Variants in FSIP2 observed in about 807,000 individuals in gnomAD.
FSIP2 encodes fibrous sheath-interacting protein 2.
FSIP2 carries 367 observed loss-of-function variants against 510.5 expected under a neutral mutation model. That is an observed-to-expected ratio of 0.72 (90% CI 0.66 to 0.78). The LOEUF is 0.78. Among genes scored for constraint, FSIP2 ranks in the 30% least tolerant of loss-of-function variants. The pLI is 0.00. For missense variants in FSIP2, 7,594 were observed against 7,901.7 expected (o/e 0.96, Z 1.48); for synonymous variants, 2,601 against 2,732.2 (o/e 0.95, Z 1.50).
intron 19 of FSIP2, among the ~76,000 whole-genome samples, chr2:185,816,298 C>G (rs2105670953): frequency 6.6e-6 from 1 of 150,730 alleles, no homozygotes; most frequent in South Asian, 2.1e-4. Flanking sequence ...TCTCTTTTCT[C>G]CTACATAATA....
rs1693571445 is a variant in FSIP2 at position 185,806,199 on chromosome 2, C to T, written c.16893C>T (p.Ser5631=). 6.3e-7 allele frequency: 1 copy of T among 1,599,310 alleles called. No individual in the cohort carries two copies. The highest frequency in any genetic ancestry group is 8.5e-7 in the Non-Finnish European group (1 of 1,175,068). Residue 5631 remains serine, a synonymous_variant, in exon 17 of 23, where the codon TCC becomes TCT. Coordinates refer to ENST00000424728, the MANE Select transcript of FSIP2 (RefSeq NM_173651.4). ...KKDDKLFQLS[S]LKSKRNLGTT... Reference sequence around the variant, plus strand: ...ATGACAAGCTCTTTCAGTTATCCTCCTTGAAGTCCAAGAGAAATCTAGGGA... The same window carrying T: ...ATGACAAGCTCTTTCAGTTATCCTCTTTGAAGTCCAAGAGAAATCTAGGGA...
Position 185,800,310 on chromosome 2 carries a change from T to C in FSIP2, c.11004T>C (p.Phe3668=). Residue 3668 remains phenylalanine, a synonymous_variant, in exon 17 of 23, where the codon TTT becomes TTC. Transcript: ENST00000424728. The part of the protein sequence containing the change: ...QFSTQQIGQL[F]QKNKLSYLAC... Reference sequence around the variant, plus strand: ...CTACTCAACAAATTGGTCAACTTTTTCAAAAAAATAAGTTAAGTTATCTTG... The same window carrying C: ...CTACTCAACAAATTGGTCAACTTTTCCAAAAAAATAAGTTAAGTTATCTTG... The C allele has an allele frequency of 6.5e-7, 1 of 1,533,120 alleles. No individual in the cohort carries two copies. Among genetic ancestry groups the C allele is most frequent in the Non-Finnish European group, 8.7e-7 (1 of 1,145,378 alleles). The allele number at this position is 1,533,120 out of a possible 1,614,324, so 95.0% of individuals were successfully genotyped here.
intron 20 of FSIP2, among the ~76,000 whole-genome samples, chr2:185,827,843 T>G (rs1461020039): frequency 6.6e-6 from 1 of 151,844 alleles, no homozygotes; most frequent in Non-Finnish European, 1.5e-5. Flanking sequence ...CAAACAGGCT[T>G]ATAGGGAATG....
chr2:185,791,982 A>C lies in FSIP2; in HGVS notation c.4846A>C (p.Lys1616Gln), dbSNP rs1424960695. ...AINDGNKKSNKIGWEYESTNI... is the reference protein window; with the variant it reads ...AINDGNKKSNQIGWEYESTNI... ...TAATGATGGAAATAAGAAAAGCAATAAGATAGGCTGGGAATATGAAAGCAC... is the reference window on the plus strand; with the variant it reads ...TAATGATGGAAATAAGAAAAGCAATCAGATAGGCTGGGAATATGAAAGCAC... Residue 1616 changes from lysine to glutamine, a missense_variant, in exon 16 of 23, where the codon AAG becomes CAG. Lys to Gln is a moderately conservative substitution (Grantham distance 53). Coordinates refer to ENST00000424728, the MANE Select transcript of FSIP2 (RefSeq NM_173651.4). 2.0e-6 allele frequency: 3 copies of C among 1,533,800 alleles called. No homozygotes were observed. Among genetic ancestry groups the C allele is most frequent in the African/African-American group, 2.7e-5 (2 of 72,854 alleles).
chr2:185,790,178 T>C lies in FSIP2; in HGVS notation c.3042T>C (p.Asn1014=). The change falls in exon 16 of 23, where the codon AAT becomes AAC. Residue 1014 remains asparagine, a synonymous_variant. Coordinates refer to ENST00000424728, the MANE Select transcript of FSIP2 (RefSeq NM_173651.4). ...ENEEIDNIVK[N]VLDSTFKDEK... is the part of the protein sequence containing the mutation. ...AGGAAATAGACAATATTGTAAAAAA[T>C]GTGCTTGATTCAACTTTCAAAGATG... The C allele has an allele frequency of 6.5e-7, 1 of 1,531,904 alleles. No homozygotes were observed. 94.9% of individuals were successfully genotyped at this position (1,531,904 alleles called of 1,614,324 possible). A position where few individuals can be genotyped will look rare whatever the true frequency, so the allele number is the denominator to read the frequency against.
Position 185,804,192 on chromosome 2 carries a change from T to C in FSIP2, c.14886T>C (p.Tyr4962=). The C allele has an allele frequency of 2.0e-6, 3 of 1,514,522 alleles. No individual in the cohort carries two copies. The highest frequency in any genetic ancestry group is 2.6e-6 in the Non-Finnish European group (3 of 1,137,978). 93.8% of individuals were successfully genotyped at this position (1,514,522 alleles called of 1,614,324 possible). The change falls in exon 17 of 23, where the codon TAT becomes TAC. Residue 4962 remains tyrosine (Y), a synonymous_variant. Transcript: ENST00000424728. ...CTGAGCTCTTATGCAAAATTCTTTATGCATTTTCACATAACATGTTGGTTA... is the reference window on the plus strand; with the variant it reads ...CTGAGCTCTTATGCAAAATTCTTTACGCATTTTCACATAACATGTTGGTTA... The part of the protein sequence containing the change: ...VISELLCKIL[Y]AFSHNMLVTE...
At chr2:185,775,756 T>C (rs1692703200) in intron 13 of FSIP2, among the ~76,000 whole-genome samples, 1 of 152,080 alleles carries the variant, frequency 6.6e-6, no homozygotes, top group South Asian at 2.1e-4. Context: ...CCCTGCCTCC[T>C]GGGTTCAAGC....
rs1032085504 is a variant in FSIP2 at position 185,791,628 on chromosome 2, G to T, written c.4492G>T (p.Val1498Phe). 6.5e-7 allele frequency: 1 copy of T among 1,533,976 alleles called. No homozygotes were observed. The highest frequency in any genetic ancestry group is 1.4e-5 in the African/African-American group (1 of 72,888). Residue 1498 changes from valine (V) to phenylalanine (F), a missense_variant, in exon 16 of 23, where the codon GTT (valine) becomes TTT (phenylalanine). Physicochemically the swap from Val to Phe is conservative, Grantham distance 50. Coordinates refer to ENST00000424728, the MANE Select transcript of FSIP2 (RefSeq NM_173651.4). ...TTATATCCTTGCAAAATTATGTGGT[G>T]TTGACATGGATACCAGTTTTGCAAG... ...LDYILAKLCG[V>F]DMDTSFASCG...
In FSIP2 at chr2:185,804,861, A is replaced by G; in HGVS notation, c.15555A>G (p.Glu5185=). The part of the protein sequence containing the change: ...AEDNAESMQL[E]PIENLVDSIC... ...ATAATGCAGAAAGTATGCAGTTAGA[A>G]CCTATTGAAAATTTGGTCGACTCCA... is the stretch of plus-strand genomic sequence containing the variant. Residue 5185 remains glutamate (E), a synonymous_variant, in exon 17 of 23, where the codon GAA becomes GAG. Transcript: ENST00000424728. 2 of 1,524,862 alleles carry G rather than the reference A, an allele frequency of 1.3e-6. No homozygotes were observed. The allele number at this position is 1,524,862 out of a possible 1,614,324, so 94.5% of individuals were successfully genotyped here.
At chr2:185,776,827 C>T (rs540051415) in intron 13 of FSIP2, among the ~76,000 whole-genome samples, 1 of 151,160 alleles carries the variant, frequency 6.6e-6, no homozygotes, top group South Asian at 2.1e-4. Flanking sequence ...TTCCGCCTCC[C>T]GGGTTCAAGT....
At chr2:185,775,649 T>G (rs1360970878) in intron 13 of FSIP2, among the ~76,000 whole-genome samples, 20 of 151,842 alleles carry the variant, frequency 1.3e-4, no homozygotes, top group Non-Finnish European at 2.6e-4. Flanking sequence ...AAATTGTGGG[T>G]TTTTTGTTTT....
Position 185,792,864 on chromosome 2 carries a change from A to G in FSIP2, c.5728A>G (p.Lys1910Glu). ...TFQSRFSVAD[K>E]ETKVNLAEDI... ...TCAGTCTAGATTCAGCGTTGCTGAC[A>G]AGGAGACAAAGGTAAATCTAGCTGA... is the stretch of plus-strand genomic sequence containing the variant. The change falls in exon 16 of 23, where the codon AAG becomes GAG. Residue 1910 changes from lysine (K) to glutamate (E), a missense_variant. By Grantham distance (56) the Lys-to-Glu change is moderately conservative. Coordinates refer to ENST00000424728, the MANE Select transcript of FSIP2 (RefSeq NM_173651.4). 6.5e-7 allele frequency: 1 copy of G among 1,534,352 alleles called. No homozygotes were observed. The highest frequency in any genetic ancestry group is 1.4e-5 in the African/African-American group (1 of 73,016).
intron 19 of FSIP2, among the ~76,000 whole-genome samples, chr2:185,817,607 T>C (rs1169859104): frequency 6.6e-6 from 1 of 152,018 alleles, no homozygotes; most frequent in South Asian, 2.1e-4. Context: ...GTAAATATTT[T>C]CCACATCAAT....
At chr2:185,748,128 A>G (rs917223593) in intron 7 of FSIP2, among the ~76,000 whole-genome samples, 25 of 152,138 alleles carry the variant, frequency 1.6e-4, no homozygotes, top group Admixed American at 5.2e-4. Flanking sequence ...TTACATAGCA[A>G]TTTTGTAAAA....
intron 19 of FSIP2, among the ~76,000 whole-genome samples, chr2:185,822,352 T>C (rs1318974717): frequency 3.3e-5 from 5 of 151,958 alleles, no homozygotes; most frequent in African/African-American, 1.2e-4. Context: ...AACTAATGAA[T>C]TAATTCAGCA....
At chr2:185,825,307 T>C (rs1355620642) in intron 20 of FSIP2, among the ~76,000 whole-genome samples, 1 of 151,758 alleles carries the variant, frequency 6.6e-6, no homozygotes, top group Non-Finnish European at 1.5e-5. Context: ...AACCGTTTCA[T>C]ACAACCATAC....
chr2:185,747,467 G>A (rs564352476), intron 7 of FSIP2, 44 bp downstream of exon 7: 3 of 1,166,326 alleles, frequency 2.6e-6, no homozygotes, highest in Non-Finnish European at 3.7e-6. Context: ...TCGAAGAGAA[G>A]ATTTTGTTTT....
Position 185,804,226 on chromosome 2 carries a change from C to T in FSIP2, c.14920C>T (p.Pro4974Ser), listed in dbSNP as rs1693507687. 2.0e-6 allele frequency: 3 copies of T among 1,523,960 alleles called. No homozygotes were observed. In the South Asian group the frequency reaches 3.7e-5, roughly 19 times the overall value. The allele number at this position is 1,523,960 out of a possible 1,614,324, so 94.4% of individuals were successfully genotyped here. ...ACATAACATGTTGGTTACTGAAAAT[C>T]CAGATAGAGTGAAACTGAAACTTAC... ...FSHNMLVTEN[P>S]DRVKLKLTRI... Residue 4974 changes from proline (P) to serine (S), a missense_variant, in exon 17 of 23, where the codon CCA becomes TCA. Coordinates refer to ENST00000424728, the MANE Select transcript of FSIP2 (RefSeq NM_173651.4).
intron 1 of FSIP2, 63 bp from the exon 2 acceptor site, chr2:185,739,283 T>A: frequency 1.4e-6 from 2 of 1,431,448 alleles, no homozygotes; most frequent in Non-Finnish European, 1.8e-6. Context: ...GGAAGTAGAT[T>A]GGTCTAAACT....
Sources: allele counts gnomAD v4.1 joint callset (sites outside exome capture counted in the v4.1 genomes callset), GRCh38; gene constraint gnomAD v4.1.1; transcripts MANE v1.5; gene names NCBI Gene and HGNC (gene_info 2026-07-23, HGNC 2026-07-21).